CDC27: variants seen among roughly 807,000 people sequenced by gnomAD.
CDC27 encodes cell division cycle 27.
CDC27 carries 27 observed loss-of-function variants against 109.7 expected under a neutral mutation model. The observed-to-expected ratio is 0.25, with a 90% CI of 0.18 to 0.34. The LOEUF (loss-of-function observed/expected upper bound fraction) is 0.34. Among genes scored for constraint, CDC27 ranks in the 10% least tolerant of loss-of-function variants. CDC27 has a pLI of 1.00. For missense variants in CDC27, 579 were observed against 960.2 expected, an observed-to-expected ratio of 0.60 and a Z score of 5.25; for synonymous variants, 266 against 333.9, an observed-to-expected ratio of 0.80 and a Z score of 2.22.
In CDC27 at chr17:47,155,010, A is replaced by G. The variant is rs1385453387; in HGVS notation, c.843-224T>C. On this transcript the variant is annotated intron_variant, in intron 7 of 18. Coordinates refer to ENST00000066544, the MANE Select transcript of CDC27 (RefSeq NM_001256.6). ...AAACAAGGAACTAAACTGAGCAACA[A>G]TTACTGATCTCAGGAGATTTATTAG... 1.3e-5 allele frequency: 5 copies of G among 371,336 alleles called. No individual in the cohort carries two copies. In the East Asian group the frequency reaches 1.6e-4, roughly 12 times the overall value. 23.0% of individuals were successfully genotyped at this position (371,336 alleles called of 1,614,324 possible).
At chr17:47,142,099 C>G in intron 11 of CDC27, 74 bp from the exon 12 acceptor site, 3 of 1,232,318 alleles carry the variant, frequency 2.4e-6, no homozygotes, top group Non-Finnish European at 3.4e-6. Flanking sequence ...AAGGTAATTA[C>G]AAACTAATCT....
intron 9 of CDC27, among the ~76,000 whole-genome samples, chr17:47,149,470 CA>C (rs1157190859): frequency 6.7e-6 from 1 of 148,904 alleles, no homozygotes; most frequent in African/African-American, 2.5e-5. Context: ...GAGATCGTGC[CA>C]CTGCACTTCA....
intron 14 of CDC27, among the ~76,000 whole-genome samples, chr17:47,133,052 C>CACACACACAT (rs1266681276): frequency 2.3e-3 from 160 of 70,634 alleles, no homozygotes; most frequent in Middle Eastern, 6.8e-3. Flanking sequence ...CACACACACA[C>CACACACACAT]ACATACATAT....
chr17:47,132,708 G>C (rs2062383056), intron 14 of CDC27, among the ~76,000 whole-genome samples: 1 of 148,670 alleles, frequency 6.7e-6, no homozygotes, highest in South Asian at 2.1e-4. Flanking sequence ...TGAGACTACA[G>C]GCATGAACCA....
At chr17:47,133,137 AAT>A (rs1237945106) in intron 14 of CDC27, among the ~76,000 whole-genome samples, 3 of 114,826 alleles carry the variant, frequency 2.6e-5, no homozygotes. Context: ...ATATATATAT[AAT>A]ATATATGTAT....
chr17:47,166,517 C>T (rs1355441598), intron 4 of CDC27, among the ~76,000 whole-genome samples: 3 of 151,998 alleles, frequency 2.0e-5, no homozygotes, highest in Admixed American at 6.6e-5. Flanking sequence ...GGGTCACTTT[C>T]GGCAGTTTTA....
chr17:47,146,907 T>TA (rs997068447), intron 9 of CDC27, among the ~76,000 whole-genome samples: 12 of 150,016 alleles, frequency 8.0e-5, no homozygotes, highest in East Asian at 2.0e-4. Flanking sequence ...TCTGCAAAAC[T>TA]AAAAAAAAAT....
Position 47,132,356 on chromosome 17 carries a change from A to G in CDC27, c.1932T>C (p.Ile644=), listed in dbSNP as rs763114815. 2 of 1,583,696 alleles carry G rather than the reference A, an allele frequency of 1.3e-6. No homozygotes were observed. The highest frequency in any genetic ancestry group is 1.3e-5 in the African/African-American group (1 of 74,234). ...HYNAWYGLGM[I]YYKQEKFSLA... The stretch of plus-strand genomic sequence containing the variant: ...GGCTGAATTTTTCTTGCTTGTAATA[A>G]ATCATTCCTAAACCATACCTGAAAG... Residue 644 remains isoleucine (I), a synonymous_variant, in exon 15 of 19, where the codon ATT becomes ATC. Coordinates refer to ENST00000066544, the MANE Select transcript of CDC27 (RefSeq NM_001256.6).
At chr17:47,141,414 C>A (rs558157333) in intron 12 of CDC27, among the ~76,000 whole-genome samples, 1 of 152,160 alleles carries the variant, frequency 6.6e-6, no homozygotes, top group African/African-American at 2.4e-5. Context: ...GAGTAAAAAG[C>A]CTTGTATTAA....
chr17:47,159,697 C>T (rs967670846), intron 4 of CDC27: 14 of 418,768 alleles, frequency 3.3e-5, no homozygotes, highest in African/African-American at 2.1e-4. Flanking sequence ...TGGCAACAAA[C>T]GCCTCGAACC....
rs1183588148 is a variant in CDC27, at chr17:47,149,975, AC to A, written c.1070+1830del. ...GTCTAAAACAAAAACAAAAACAAAA[AC>A]AAAACTCTATAAAAAGACAACTGAC... On this transcript the variant is annotated intron_variant, in intron 9 of 18. Transcript: ENST00000066544. 3.3e-5 allele frequency among the ~76,000 whole-genome samples: 5 copies of A among 151,784 alleles called. No individual in the cohort carries two copies. In the East Asian group the frequency reaches 5.8e-4, roughly 18 times the overall value.
chr17:47,150,569 C>A (rs1414353717), intron 9 of CDC27, among the ~76,000 whole-genome samples: 3 of 152,090 alleles, frequency 2.0e-5, no homozygotes, highest in African/African-American at 7.2e-5. Context: ...GGGGAACAAC[C>A]CTGCCAACAC....
intron 12 of CDC27, 134 bp downstream of exon 12, chr17:47,141,719 T>C: frequency 2.1e-6 from 1 of 487,332 alleles, no homozygotes; most frequent in Admixed American, 4.0e-5. Context: ...TTATAAATAC[T>C]GACAAAATAA....
At chr17:47,145,874 G>A (rs1376764131) in intron 9 of CDC27, among the ~76,000 whole-genome samples, 2 of 151,860 alleles carry the variant, frequency 1.3e-5, no homozygotes, top group Non-Finnish European at 2.9e-5. Context: ...TGCAGCCTGG[G>A]CGACAACAGC....
chr17:47,126,627 G>A (rs1426110001), intron 16 of CDC27, among the ~76,000 whole-genome samples: 1 of 152,144 alleles, frequency 6.6e-6, no homozygotes, highest in Non-Finnish European at 1.5e-5. Flanking sequence ...GGCCTATCTG[G>A]TAGGTATGTT....
At chr17:47,122,934 T>C (rs1402188160) in intron 17 of CDC27, among the ~76,000 whole-genome samples, 1 of 152,198 alleles carries the variant, frequency 6.6e-6, no homozygotes, top group Non-Finnish European at 1.5e-5. Flanking sequence ...CCCAAAGTGC[T>C]GGGATTACAG....
chr17:47,135,407 AGATGATGAT>A (rs201672676), intron 14 of CDC27, among the ~76,000 whole-genome samples: 12,107 of 150,604 alleles, frequency 0.08, 548 homozygotes, highest in African/African-American at 0.11. Context: ...GGCCATAACT[AGATGATGAT>A]GATGATGATG....
intron 7 of CDC27, among the ~76,000 whole-genome samples, chr17:47,155,272 G>C (rs1393133794): frequency 6.6e-6 from 1 of 152,096 alleles, no homozygotes; most frequent in Non-Finnish European, 1.5e-5. Flanking sequence ...TTGAGACAGA[G>C]TCTCGCTCTG....
In CDC27 at chr17:47,120,087, A is replaced by C. The variant is rs1411429881; in HGVS notation, c.*848T>G. 3.3e-5 allele frequency: 5 copies of C among 152,166 alleles called. No individual in the cohort carries two copies. Among genetic ancestry groups the C allele is most frequent in the Non-Finnish European group, 7.3e-5 (5 of 68,030 alleles). 9.4% of individuals were successfully genotyped at this position (152,166 alleles called of 1,614,324 possible). On this transcript the variant is annotated 3_prime_UTR_variant, in exon 19 of 19. Coordinates refer to ENST00000066544, the MANE Select transcript of CDC27 (RefSeq NM_001256.6). ...CACTTTAGTGTTCTCCTTCTGATTC[A>C]TATGGTGAACTTAAGGGGTTATTAA... is the stretch of plus-strand genomic sequence containing the variant.
Sources: gnomAD v4.1 joint callset for allele counts (sites outside exome capture counted in the v4.1 genomes callset) on GRCh38, gnomAD v4.1.1 for gene constraint, MANE v1.5 for transcripts, NCBI Gene and HGNC (gene_info 2026-07-23, HGNC 2026-07-21) for gene names.